GPC6: variants seen among roughly 807,000 people sequenced by gnomAD.
GPC6 encodes glypican-6.
GPC6 carries 14 observed loss-of-function variants against 55.2 expected under a neutral mutation model. That is an observed-to-expected ratio of 0.25 (90% confidence interval 0.17 to 0.40). GPC6 has a LOEUF of 0.40. Ranked by LOEUF, GPC6 falls within the 10% of genes least tolerant of loss-of-function variation. The pLI is 1.00. For missense variants in GPC6, 641 were observed against 708.5 expected, an observed-to-expected ratio of 0.90 and a Z score of 1.08; for synonymous variants, 278 against 259.6, an observed-to-expected ratio of 1.07 and a Z score of -0.68.
At chr13:93,693,128 G>T (rs575587745) in intron 2 of GPC6, among the ~76,000 whole-genome samples, 62 of 152,290 alleles carry the variant, frequency 4.1e-4, no homozygotes, top group Non-Finnish European at 4.0e-4. Flanking sequence ...TCAAGCCTGG[G>T]TGTACATTGT....
rs1280691821 is a variant in GPC6 at position 93,552,982 on chromosome 13, T to G, written c.319+7561T>G. Among the ~76,000 whole-genome samples the G allele has an allele frequency of 2.0e-5, 3 of 152,228 alleles. No individual in the cohort carries two copies. In the South Asian group the frequency reaches 6.2e-4, roughly 31 times the overall value. On this transcript the variant is annotated intron_variant, in intron 2 of 8. Coordinates refer to ENST00000377047, the MANE Select transcript of GPC6 (RefSeq NM_005708.5). ...AAAAATATTTAATGGGGATGTAAAT[T>G]ACAGCTCCCTGGAAACATTTTTGTC...
intron 1 of GPC6, among the ~76,000 whole-genome samples, chr13:93,281,630 C>A (rs1306877085): frequency 6.6e-6 from 1 of 152,044 alleles, no homozygotes; most frequent in African/African-American, 2.4e-5. Flanking sequence ...CCTGACCAAC[C>A]TGGTGAAACC....
At chr13:93,361,931 T>C (rs1215714926) in intron 1 of GPC6, among the ~76,000 whole-genome samples, 1 of 152,220 alleles carries the variant, frequency 6.6e-6, no homozygotes, top group Non-Finnish European at 1.5e-5. Context: ...GCAACTGTTT[T>C]GTTTACTCTT....
intron 4 of GPC6, among the ~76,000 whole-genome samples, chr13:94,229,501 G>A (rs1566569363): frequency 6.6e-6 from 1 of 152,286 alleles, no homozygotes; most frequent in East Asian, 1.9e-4. Context: ...AGCCTGAATA[G>A]GAAAGAAACT....
intron 2 of GPC6, among the ~76,000 whole-genome samples, chr13:93,724,411 G>A (rs1883556380): frequency 6.6e-6 from 1 of 152,012 alleles, no homozygotes; most frequent in Admixed American, 6.6e-5. Context: ...CAAATCCTGT[G>A]GTTAGACTGT....
chr13:93,558,007 T>C (rs1342714321), intron 2 of GPC6, among the ~76,000 whole-genome samples: 1 of 152,196 alleles, frequency 6.6e-6, no homozygotes, highest in Non-Finnish European at 1.5e-5. Flanking sequence ...TATGACATTA[T>C]GTCAAGTTTT....
chr13:93,393,143 G>T (rs1162787714), intron 1 of GPC6, among the ~76,000 whole-genome samples: 8 of 149,118 alleles, frequency 5.4e-5, no homozygotes, highest in Non-Finnish European at 1.0e-4. Context: ...GAGAGAGAGA[G>T]AGAGAGAGAG....
At chr13:93,601,456 G>A (rs964967554) in intron 2 of GPC6, among the ~76,000 whole-genome samples, 4 of 152,002 alleles carry the variant, frequency 2.6e-5, no homozygotes, top group Non-Finnish European at 5.9e-5. Flanking sequence ...TCATACTTTC[G>A]AATAGATGAG....
intron 4 of GPC6, among the ~76,000 whole-genome samples, chr13:94,126,389 A>G (rs942841921): frequency 6.6e-6 from 1 of 152,140 alleles, no homozygotes; most frequent in African/African-American, 2.4e-5. Flanking sequence ...CCACAAAAAT[A>G]TAAAAATAAA....
intron 1 of GPC6, among the ~76,000 whole-genome samples, chr13:93,462,939 G>T (rs1185777244): frequency 6.6e-6 from 1 of 152,182 alleles, no homozygotes; most frequent in African/African-American, 2.4e-5. Flanking sequence ...GCCTCCTAAG[G>T]CTTCAAAATA....
At chr13:93,631,726 T>A (rs1879446305) in intron 2 of GPC6, among the ~76,000 whole-genome samples, 2 of 152,218 alleles carry the variant, frequency 1.3e-5, no homozygotes, top group African/African-American at 4.8e-5. Context: ...GTATCTGTAG[T>A]TATATACCAC....
At chr13:93,837,716 C>T (rs1566561574) in intron 3 of GPC6, among the ~76,000 whole-genome samples, 2 of 152,056 alleles carry the variant, frequency 1.3e-5, no homozygotes, top group African/African-American at 4.8e-5. Context: ...ATTTATTATG[C>T]AATAAATGCT....
intron 4 of GPC6, among the ~76,000 whole-genome samples, chr13:94,126,902 A>G (rs1446585561): frequency 6.6e-6 from 1 of 152,106 alleles, no homozygotes; most frequent in African/African-American, 2.4e-5. Context: ...CTAAATATCT[A>G]TTTACAGTAT....
intron 1 of GPC6, among the ~76,000 whole-genome samples, chr13:93,542,280 A>G (rs1882345256): frequency 6.6e-6 from 1 of 152,198 alleles, no homozygotes; most frequent in Non-Finnish European, 1.5e-5. Context: ...CTAAATAGGG[A>G]ATCCTTTCCC....
intron 1 of GPC6, among the ~76,000 whole-genome samples, chr13:93,431,619 A>C (rs1030476140): frequency 2.0e-5 from 3 of 152,096 alleles, no homozygotes; most frequent in Non-Finnish European, 4.4e-5. Flanking sequence ...CAAAACACAC[A>C]CATCCTTAAA....
At chr13:93,888,940 A>G (rs1022747515) in intron 3 of GPC6, among the ~76,000 whole-genome samples, 3 of 152,156 alleles carry the variant, frequency 2.0e-5, no homozygotes, top group Non-Finnish European at 4.4e-5. Context: ...GCATTTTGTA[A>G]GTAATTTTGA....
intron 2 of GPC6, among the ~76,000 whole-genome samples, chr13:93,705,327 G>A (rs1242124909): frequency 2.0e-5 from 3 of 151,902 alleles, no homozygotes; most frequent in Non-Finnish European, 4.4e-5. Context: ...AAGAAAATAA[G>A]AATAGAAATT....
intron 4 of GPC6, among the ~76,000 whole-genome samples, chr13:94,059,997 C>G (rs953176339): frequency 6.6e-6 from 1 of 152,134 alleles, no homozygotes; most frequent in East Asian, 1.9e-4. Flanking sequence ...TGCATCTCTA[C>G]TCTTAGTTCT....
chr13:93,276,483 A>AGTGTGTGT (rs1375080330), intron 1 of GPC6, among the ~76,000 whole-genome samples: 1 of 134,058 alleles, frequency 7.5e-6, no homozygotes, highest in African/African-American at 3.3e-5. Flanking sequence ...AGAGAGAGAG[A>AGTGTGTGT]GAGAGAGAGA....
Sources: gnomAD v4.1 joint callset for allele counts (sites outside exome capture counted in the v4.1 genomes callset) on GRCh38, gnomAD v4.1.1 for gene constraint, MANE v1.5 for transcripts, NCBI Gene and HGNC (gene_info 2026-07-23, HGNC 2026-07-21) for gene names.